RFTN1: variants seen among roughly 807,000 people sequenced by gnomAD.
The protein encoded by RFTN1 is raftlin.
In RFTN1, 26 loss-of-function variants were observed where a neutral mutation model predicts 46.5. The observed-to-expected ratio is 0.56, with a 90% CI of 0.41 to 0.78. RFTN1 has a LOEUF of 0.78. RFTN1 is among the 30% of genes least tolerant of loss of function. RFTN1 has a pLI of 0.00. For missense variants in RFTN1, 693 were observed against 718.7 expected (o/e 0.96, Z 0.41); for synonymous variants, 261 against 284.2 (o/e 0.92, Z 0.82).
intron 2 of RFTN1, among the ~76,000 whole-genome samples, chr3:16,491,013 T>C (rs2076532022): frequency 6.6e-6 from 1 of 152,082 alleles, no homozygotes; most frequent in Non-Finnish European, 1.5e-5. Flanking sequence ...CCTGCACTCA[T>C]GGGAAGGGAT....
chr3:16,339,702 T>C (rs2071181846), intron 7 of RFTN1: 1 of 152,242 alleles, frequency 6.6e-6, no homozygotes, highest in African/African-American at 2.4e-5. Flanking sequence ...GTCCTACCAT[T>C]TCCACATATT....
At chr3:16,409,526 T>G (rs760604347) in intron 3 of RFTN1, 43 bp from the exon 4 acceptor site, 6 of 1,374,626 alleles carry the variant, frequency 4.4e-6, no homozygotes, top group Non-Finnish European at 5.2e-6. Flanking sequence ...ATTAATATCT[T>G]GCATAATTTG....
chr3:16,427,826 G>T lies in RFTN1; in HGVS notation c.332+6025C>A, dbSNP rs2075312999. 6.6e-6 allele frequency among the ~76,000 whole-genome samples: 1 copy of T among 152,084 alleles called. No individual in the cohort carries two copies. The highest frequency in any genetic ancestry group is 2.4e-5 in the African/African-American group (1 of 41,406). ...TCTCTTTGGACACCACGTTCCACTT[G>T]TTCCACAATGTCAATAGTGGGAAGG... On this transcript the variant is annotated intron_variant, in intron 3 of 9. Coordinates refer to ENST00000334133, the MANE Select transcript of RFTN1 (RefSeq NM_015150.2). This position sits in a 1 kb window ranked among gnomAD's most constrained non-coding sequence, Gnocchi z 5.4.
rs1328376125 is a variant in RFTN1 at position 16,499,675 on chromosome 3, C to T, written c.-8-5798G>A. ...AGTGGTTCATTTATACCATAAGCAA[C>T]TTATATACCAAGTCTGCTCGAAATG... On this transcript the variant is annotated intron_variant, in intron 1 of 9. Transcript: ENST00000334133. This position sits in a 1 kb window ranked among gnomAD's most constrained non-coding sequence, Gnocchi z 4.9. 6.6e-6 allele frequency among the ~76,000 whole-genome samples: 1 copy of T among 152,200 alleles called. No homozygotes were observed. The highest frequency in any genetic ancestry group is 6.5e-5 in the Admixed American group (1 of 15,286).
chr3:16,385,896 T>A lies in RFTN1; in HGVS notation c.442-7794A>T, dbSNP rs2074156671. ...CGACCTTGGCCCATGAGAACTGCCA[T>A]CATCCAAGTAGGACCATTGAGGAAA... is the stretch of plus-strand genomic sequence containing the variant. On this transcript the variant is annotated intron_variant, in intron 4 of 9. Coordinates refer to ENST00000334133, the MANE Select transcript of RFTN1 (RefSeq NM_015150.2). This position sits in a 1 kb window ranked among gnomAD's most constrained non-coding sequence, Gnocchi z 5.0. Among the ~76,000 whole-genome samples, 1 of 152,158 alleles carries A rather than the reference T, an allele frequency of 6.6e-6. No individual in the cohort carries two copies. The highest frequency in any genetic ancestry group is 1.5e-5 in the Non-Finnish European group (1 of 68,018).
Position 16,374,754 on chromosome 3 carries a change from C to T in RFTN1, c.826+2964G>A, listed in dbSNP as rs1028874912. Among the ~76,000 whole-genome samples, 2 of 152,202 alleles carry T rather than the reference C, an allele frequency of 1.3e-5. No homozygotes were observed. Among genetic ancestry groups the T allele is most frequent in the African/African-American group, 4.8e-5 (2 of 41,452 alleles). ...CGGAGACACTGAGGCTGTCCCTGCA[C>T]AGGCTCAGGTGATCACGGCACAGCA... On this transcript the variant is annotated intron_variant, in intron 5 of 9. Coordinates refer to ENST00000334133, the MANE Select transcript of RFTN1 (RefSeq NM_015150.2). The surrounding 1 kb of genome is among the most constrained non-coding windows in gnomAD (Gnocchi z 5.4).
Position 16,504,293 on chromosome 3 carries a change from T to C in RFTN1, c.-9+9149A>G, listed in dbSNP as rs2076764379. On this transcript the variant is annotated intron_variant, in intron 1 of 9. Coordinates refer to ENST00000334133, the MANE Select transcript of RFTN1 (RefSeq NM_015150.2). The surrounding 1 kb of genome is among the most constrained non-coding windows in gnomAD (Gnocchi z 4.4). ...TTAACTAACCACAATTACTTGCTAATGGGATGTGTGCATCTGTTGGACACT... is the reference window on the plus strand; with the variant it reads ...TTAACTAACCACAATTACTTGCTAACGGGATGTGTGCATCTGTTGGACACT... Among the ~76,000 whole-genome samples, 1 of 152,204 alleles carries C rather than the reference T, an allele frequency of 6.6e-6. No homozygotes were observed.
rs1348726128 is a variant in RFTN1 at position 16,337,634 on chromosome 3, C to T, written c.1147-10758G>A. ...GCAGGCGCCTGTAGTCCCAGCTACT[C>T]GGGAGGCTGAGGCAGGAGAATCGCT... On this transcript the variant is annotated intron_variant, in intron 7 of 9. Transcript: ENST00000334133. This position sits in a 1 kb window ranked among gnomAD's most constrained non-coding sequence, Gnocchi z 5.0. 4.0e-5 allele frequency among the ~76,000 whole-genome samples: 6 copies of T among 150,520 alleles called. No individual in the cohort carries two copies. Among genetic ancestry groups the T allele is most frequent in the South Asian group, 2.1e-4 (1 of 4,756 alleles).
intron 1 of RFTN1, among the ~76,000 whole-genome samples, chr3:16,508,537 A>C (rs1416367563): frequency 2.0e-5 from 3 of 152,248 alleles, no homozygotes; most frequent in Non-Finnish European, 4.4e-5. Context: ...GGGTTCAAGC[A>C]GTGGCTATCG....
rs1346161899 is a variant in RFTN1 at position 16,374,729 on chromosome 3, C to T, written c.826+2989G>A. ...GTTTCTCTGATGGAAGCTGTGGCAACGGAGACACTGAGGCTGTCCCTGCAC... is the reference window on the plus strand; with the variant it reads ...GTTTCTCTGATGGAAGCTGTGGCAATGGAGACACTGAGGCTGTCCCTGCAC... On this transcript the variant is annotated intron_variant, in intron 5 of 9. Coordinates refer to ENST00000334133, the MANE Select transcript of RFTN1 (RefSeq NM_015150.2). This position sits in a 1 kb window ranked among gnomAD's most constrained non-coding sequence, Gnocchi z 5.4. Among the ~76,000 whole-genome samples, 2 of 152,180 alleles carry T rather than the reference C, an allele frequency of 1.3e-5. No homozygotes were observed. The highest frequency in any genetic ancestry group is 2.4e-5 in the African/African-American group (1 of 41,436).
rs1382340914 is a variant in RFTN1, at chr3:16,475,386, C to G, written c.145+18339G>C. Among the ~76,000 whole-genome samples the G allele has an allele frequency of 6.6e-6, 1 of 152,210 alleles. No homozygotes were observed. Among genetic ancestry groups the G allele is most frequent in the East Asian group, 1.9e-4 (1 of 5,202 alleles). On this transcript the variant is annotated intron_variant, in intron 2 of 9. Coordinates refer to ENST00000334133, the MANE Select transcript of RFTN1 (RefSeq NM_015150.2). This position sits in a 1 kb window ranked among gnomAD's most constrained non-coding sequence, Gnocchi z 4.2. ...CTGCAGATTTGGAGCTGCTGGTTCC[C>G]AAGAGAGGAATGCTTCCTCCAGGAG...
At position 16,468,312 on chromosome 3, in the gene RFTN1, T is replaced by A. The variant is rs1044078721; in HGVS notation, c.145+25413A>T. On this transcript the variant is annotated intron_variant, in intron 2 of 9. Transcript: ENST00000334133. The surrounding 1 kb of genome is among the most constrained non-coding windows in gnomAD (Gnocchi z 4.4). ...CCAAACCCTCACTGTCGTTCGTTTT[T>A]GAAGTACCTGCATTCTGTCTCGAGT... 8.5e-5 allele frequency among the ~76,000 whole-genome samples: 13 copies of A among 152,310 alleles called. No homozygotes were observed. Among genetic ancestry groups the A allele is most frequent in the African/African-American group, 3.1e-4 (13 of 41,574 alleles).
At chr3:16,324,622 C>CCCCT (rs1485216643) in intron 8 of RFTN1, among the ~76,000 whole-genome samples, 1 of 135,166 alleles carries the variant, frequency 7.4e-6, no homozygotes, top group Non-Finnish European at 1.7e-5. Context: ...GACCCCCCCC[C>CCCCT]TTTTAAGGTT....
Position 16,335,002 on chromosome 3 carries a change from G to A in RFTN1, c.1147-8126C>T, listed in dbSNP as rs761838572. ...CAGCTTCCAGAAGCTGGCAATGGTCGGTAACAGATTGTCTCCTAAAAGTCT... is the reference window on the plus strand; with the variant it reads ...CAGCTTCCAGAAGCTGGCAATGGTCAGTAACAGATTGTCTCCTAAAAGTCT... On this transcript the variant is annotated intron_variant, in intron 7 of 9. Coordinates refer to ENST00000334133, the MANE Select transcript of RFTN1 (RefSeq NM_015150.2). The surrounding 1 kb of genome is among the most constrained non-coding windows in gnomAD (Gnocchi z 4.7). Among the ~76,000 whole-genome samples, 7 of 152,178 alleles carry A rather than the reference G, an allele frequency of 4.6e-5. No individual in the cohort carries two copies. The highest frequency in any genetic ancestry group is 7.3e-5 in the Non-Finnish European group (5 of 68,030).
Position 16,370,388 on chromosome 3 carries a change from G to T in RFTN1, c.827-109C>A, listed in dbSNP as rs879025818. On this transcript the variant is annotated intron_variant, in intron 5 of 9. Coordinates refer to ENST00000334133, the MANE Select transcript of RFTN1 (RefSeq NM_015150.2). The surrounding 1 kb of genome is among the most constrained non-coding windows in gnomAD (Gnocchi z 5.5). Reference sequence around the variant, plus strand: ...CAGGAGCCTGAATAAATGATATGATGAATGCTGAAATCTCTGTGAGGCTGT... The same window carrying T: ...CAGGAGCCTGAATAAATGATATGATTAATGCTGAAATCTCTGTGAGGCTGT... 22 of 986,664 alleles carry T rather than the reference G, an allele frequency of 2.2e-5. No individual in the cohort carries two copies. The highest frequency in any genetic ancestry group is 1.3e-4 in the South Asian group (9 of 71,568). 61.1% of individuals were successfully genotyped at this position (986,664 alleles called of 1,614,324 possible).
At position 16,425,003 on chromosome 3, in the gene RFTN1, A is replaced by G. The variant is rs933658021; in HGVS notation, c.332+8848T>C. On this transcript the variant is annotated intron_variant, in intron 3 of 9. Transcript: ENST00000334133. This position sits in a 1 kb window ranked among gnomAD's most constrained non-coding sequence, Gnocchi z 4.3. ...AAAAAATGTCAATTTTCAATTCAAC[A>G]GAGTTGAATAGGTAGACTATTCAAT... 1.3e-5 allele frequency among the ~76,000 whole-genome samples: 2 copies of G among 152,216 alleles called. No individual in the cohort carries two copies. Among genetic ancestry groups the G allele is most frequent in the Non-Finnish European group, 2.9e-5 (2 of 68,032 alleles).
chr3:16,492,907 C>T (rs1160338501), intron 2 of RFTN1, among the ~76,000 whole-genome samples: 1 of 152,234 alleles, frequency 6.6e-6, no homozygotes, highest in Admixed American at 6.5e-5. Context: ...GATGCTGATG[C>T]TGACCATCCC....
At chr3:16,411,802 T>C (rs1235095876) in intron 3 of RFTN1, among the ~76,000 whole-genome samples, 1 of 152,200 alleles carries the variant, frequency 6.6e-6, no homozygotes, top group African/African-American at 2.4e-5. Context: ...ACAGGCTATA[T>C]GAGGTTATTT....
At chr3:16,477,458 A>C (rs1451158655) in intron 2 of RFTN1, among the ~76,000 whole-genome samples, 1 of 152,240 alleles carries the variant, frequency 6.6e-6, no homozygotes, top group East Asian at 1.9e-4. Flanking sequence ...CTAGACAAAT[A>C]ATTTGATGCT....
Sources: allele counts gnomAD v4.1 joint callset (sites outside exome capture counted in the v4.1 genomes callset), GRCh38; gene constraint gnomAD v4.1.1; non-coding constraint Gnocchi (gnomAD v3.1); transcripts MANE v1.5; gene names NCBI Gene and HGNC (gene_info 2026-07-23, HGNC 2026-07-21).